The following ANKRD45 variants were observed in gnomAD, a reference collection of about 807,000 sequenced individuals.
ANKRD45 encodes ankyrin repeat domain 45, also known as ankyrin repeat domain-containing protein 45.
In ANKRD45, 21 loss-of-function variants were observed where a neutral mutation model predicts 28.1. The observed-to-expected ratio is 0.75, with a 90% CI of 0.53 to 1.08. ANKRD45 has a LOEUF of 1.08. Ranked by LOEUF, ANKRD45 falls within the 50% of genes least tolerant of loss-of-function variation. The pLI is 0.00. For synonymous variants in ANKRD45, 86 were observed against 103.9 expected (o/e 0.83, Z 1.05); for missense variants, 261 against 308.7 (o/e 0.85, Z 1.16).
intron 3 of ANKRD45, chr1:173,637,202 T>C: frequency 1.8e-6 from 1 of 562,924 alleles, no homozygotes. Flanking sequence ...TCCCATTCAA[T>C]TAAAAAAGAA....
At chr1:173,647,088 T>A (rs1398936837) in intron 2 of ANKRD45, 75 bp from the exon 3 acceptor site, 2 of 1,407,626 alleles carry the variant, frequency 1.4e-6, no homozygotes, top group Non-Finnish European at 2.0e-6. Flanking sequence ...TGGAAGATCA[T>A]AATGGTGATC....
chr1:173,613,702 C>G (rs1667330612), intron 5 of ANKRD45, among the ~76,000 whole-genome samples: 1 of 152,002 alleles, frequency 6.6e-6, no homozygotes, highest in African/African-American at 2.4e-5. Flanking sequence ...GGGGGCGCCT[C>G]TGCCCGGCCG....
intron 2 of ANKRD45, among the ~76,000 whole-genome samples, chr1:173,649,828 A>G (rs1467570051): frequency 6.6e-6 from 1 of 152,186 alleles, no homozygotes; most frequent in Non-Finnish European, 1.5e-5. Context: ...CAAAGTAGGT[A>G]TATAATTTTA....
chr1:173,628,577 G>A (rs1013217953), intron 3 of ANKRD45, among the ~76,000 whole-genome samples: 2 of 152,052 alleles, frequency 1.3e-5, no homozygotes, highest in Non-Finnish European at 2.9e-5. Context: ...AAGTGGGAAG[G>A]ACTTTGTCTT....
chr1:173,686,687 T>C, the ANKRD45 span, among the ~76,000 whole-genome samples: 2 of 152,234 alleles, frequency 1.3e-5, no homozygotes, highest in African/African-American at 2.4e-5. Flanking sequence ...CAGTGGACTT[T>C]ATAGTCCTTG....
At chr1:173,638,921 A>C (rs765408207) in intron 3 of ANKRD45, among the ~76,000 whole-genome samples, 14 of 152,338 alleles carry the variant, frequency 9.2e-5, no homozygotes, top group Non-Finnish European at 1.6e-4. Flanking sequence ...GGCCCCTTTT[A>C]AAACAGGACG....
At chr1:173,695,321 C>A in the ANKRD45 span, among the ~76,000 whole-genome samples, 1 of 152,046 alleles carries the variant, frequency 6.6e-6, no homozygotes, top group African/African-American at 2.4e-5. Flanking sequence ...ACACAGTACC[C>A]AATAGGTAGT....
intron 1 of ANKRD45, among the ~76,000 whole-genome samples, chr1:173,666,084 G>A (rs557348396): frequency 5.5e-4 from 84 of 152,190 alleles, no homozygotes; most frequent in Non-Finnish European, 8.5e-4. Flanking sequence ...ACTTGTTAAC[G>A]AAAAAATAGT....
chr1:173,687,114 C>T, the ANKRD45 span, among the ~76,000 whole-genome samples: 1,804 of 152,242 alleles, frequency 0.012, 46 homozygotes, highest in African/African-American at 0.042. Context: ...ACCTTTAAAA[C>T]AAAATATATA....
chr1:173,624,285 G>A (rs186325774), intron 5 of ANKRD45, among the ~76,000 whole-genome samples: 244 of 152,110 alleles, frequency 1.6e-3, no homozygotes, highest in South Asian at 0.015. Context: ...ATGAAGCTAG[G>A]AGTTCAAGAC....
chr1:173,630,534 C>T (rs1287286659), intron 3 of ANKRD45, among the ~76,000 whole-genome samples: 6 of 151,178 alleles, frequency 4.0e-5, no homozygotes, highest in Non-Finnish European at 7.4e-5. Flanking sequence ...TTGAAAGTCT[C>T]ATGGTAATCT....
intron 3 of ANKRD45, among the ~76,000 whole-genome samples, chr1:173,638,102 G>A (rs1451050054): frequency 6.6e-6 from 1 of 151,820 alleles, no homozygotes; most frequent in African/African-American, 2.4e-5. Context: ...CTGAGTGTGT[G>A]TGTGTGTGTG....
intron 3 of ANKRD45, among the ~76,000 whole-genome samples, chr1:173,645,699 C>A (rs1234970990): frequency 1.3e-5 from 2 of 152,122 alleles, no homozygotes; most frequent in Non-Finnish European, 2.9e-5. Context: ...GAAACTATGA[C>A]CTACTACTCA....
At chr1:173,693,094 C>A in the ANKRD45 span, among the ~76,000 whole-genome samples, 2 of 152,108 alleles carry the variant, frequency 1.3e-5, no homozygotes, top group Non-Finnish European at 2.9e-5. Flanking sequence ...AGGTCAGGAG[C>A]TTGACACCAG....
At chr1:173,676,008 T>C in the ANKRD45 span, among the ~76,000 whole-genome samples, 8 of 152,204 alleles carry the variant, frequency 5.3e-5, no homozygotes, top group Non-Finnish European at 1.5e-5. Flanking sequence ...AACTTGGGGC[T>C]CTTGGGTCTG....
At chr1:173,685,548 G>A in the ANKRD45 span, among the ~76,000 whole-genome samples, 2 of 152,208 alleles carry the variant, frequency 1.3e-5, no homozygotes, top group African/African-American at 4.8e-5. Context: ...TTAATGTGTG[G>A]AGGGAATATT....
At chr1:173,646,710 C>T in intron 3 of ANKRD45, 136 bp downstream of exon 3, 1 of 811,592 alleles carries the variant, frequency 1.2e-6, no homozygotes. Context: ...GGGGAAATTT[C>T]ATGTATTATC....
At chr1:173,611,572 TACATACACAC>T (rs1263863504) in intron 5 of ANKRD45, among the ~76,000 whole-genome samples, 1 of 106,414 alleles carries the variant, frequency 9.4e-6, no homozygotes, top group Admixed American at 9.7e-5. Context: ...GCCTAATACA[TACATACACAC>T]ACACACACAC....
chr1:173,637,193 C>T (rs1429756719), intron 3 of ANKRD45: 2 of 577,158 alleles, frequency 3.5e-6, no homozygotes, highest in Admixed American at 3.4e-5. Flanking sequence ...AATGTTACTT[C>T]CCATTCAATT....
Sources: gnomAD v4.1 joint callset for allele counts (sites outside exome capture counted in the v4.1 genomes callset) on GRCh38, gnomAD v4.1.1 for gene constraint, MANE v1.5 for transcripts, NCBI Gene and HGNC (gene_info 2026-07-23, HGNC 2026-07-21) for gene names.